The following KAT2B variants were observed in gnomAD, a reference collection of about 807,000 sequenced individuals.
KAT2B encodes lysine acetyltransferase 2B.
Under a neutral mutation model 105.9 loss-of-function variants are expected in KAT2B, and 36 were observed. That is an observed-to-expected ratio of 0.34 (90% CI 0.26 to 0.45). KAT2B has a LOEUF of 0.45. Among genes scored for constraint, KAT2B ranks in the 20% least tolerant of loss-of-function variants. The pLI is 1.00. For missense variants in KAT2B, 820 were observed against 1,021.6 expected (o/e 0.80, Z 2.69); for synonymous variants, 397 against 377.9 (o/e 1.05, Z -0.59).
At chr3:20,067,623 C>G (rs537288165) in intron 1 of KAT2B, among the ~76,000 whole-genome samples, 8 of 152,066 alleles carry the variant, frequency 5.3e-5, no homozygotes, top group South Asian at 4.2e-4. Flanking sequence ...ATAAGCAAGC[C>G]CATAGGAAGA....
chr3:20,046,629 G>A (rs1417400106), intron 1 of KAT2B, among the ~76,000 whole-genome samples: 2 of 152,134 alleles, frequency 1.3e-5, no homozygotes, highest in East Asian at 3.9e-4. Context: ...AGAGAGCAGA[G>A]GTAGATGTGC....
intron 2 of KAT2B, among the ~76,000 whole-genome samples, chr3:20,073,741 A>G (rs1011247935): frequency 6.6e-6 from 1 of 152,236 alleles, no homozygotes; most frequent in South Asian, 2.1e-4. Context: ...AAACAGAACG[A>G]AACAAAACAA....
At chr3:20,073,752 T>C (rs17006525) in intron 2 of KAT2B, among the ~76,000 whole-genome samples, 62,861 of 152,006 alleles carry the variant, frequency 0.41, 13,306 homozygotes, top group South Asian at 0.5. Flanking sequence ...AACAAAACAA[T>C]CACTAACTCT....
At chr3:20,140,833 G>C (rs565266741) in intron 13 of KAT2B, among the ~76,000 whole-genome samples, 1 of 151,676 alleles carries the variant, frequency 6.6e-6, no homozygotes, top group South Asian at 2.1e-4. Context: ...TTCCTTTCTC[G>C]GTTACCATTT....
intron 1 of KAT2B, 57 bp downstream of exon 1, chr3:20,040,837 C>T (rs1697702629): frequency 2.7e-6 from 4 of 1,489,378 alleles, no homozygotes; most frequent in African/African-American, 1.5e-5. Context: ...GCCCGCGGGA[C>T]CCCCCTCCCC....
intron 1 of KAT2B, among the ~76,000 whole-genome samples, chr3:20,058,734 C>A (rs540348297): frequency 6.6e-6 from 1 of 152,244 alleles, no homozygotes; most frequent in East Asian, 1.9e-4. Flanking sequence ...GATTGTCACA[C>A]AGTGGAGGAA....
chr3:20,140,958 C>T (rs1258100986), intron 13 of KAT2B, among the ~76,000 whole-genome samples: 1 of 152,084 alleles, frequency 6.6e-6, no homozygotes, highest in Non-Finnish European at 1.5e-5. Context: ...TGCATTCTGG[C>T]CTCAATTATT....
At chr3:20,112,815 A>T (rs911780928) in intron 6 of KAT2B, among the ~76,000 whole-genome samples, 2 of 152,210 alleles carry the variant, frequency 1.3e-5, no homozygotes, top group Non-Finnish European at 2.9e-5. Context: ...TTATTCAGAT[A>T]GTGTTATTAG....
At chr3:20,065,766 A>G (rs138949460) in intron 1 of KAT2B, among the ~76,000 whole-genome samples, 1 of 152,298 alleles carries the variant, frequency 6.6e-6, no homozygotes, top group East Asian at 1.9e-4. Context: ...TCAATAGGGT[A>G]TAACTTTAAA....
At chr3:20,058,217 G>C (rs1698033949) in intron 1 of KAT2B, among the ~76,000 whole-genome samples, 1 of 151,984 alleles carries the variant, frequency 6.6e-6, no homozygotes, top group South Asian at 2.1e-4. Flanking sequence ...CAGCACTTTG[G>C]GAGGCCACGG....
At position 20,069,377 on chromosome 3, in the gene KAT2B, A is replaced by G. The variant is rs186494854; in HGVS notation, c.304-2956A>G. On this transcript the variant is annotated intron_variant, in intron 1 of 17. Transcript: ENST00000263754. The stretch of plus-strand genomic sequence containing the variant: ...GTTATGTAGATTCCCCTGGTACCCT[A>G]TCTGGGCTGATAAAGGTCAAGAGTT... Among the ~76,000 whole-genome samples the G allele has an allele frequency of 1.1e-3, 168 of 152,264 alleles. 4 individuals carry two copies. The Middle Eastern group carries it at 0.014, about 12-fold the overall frequency.
At chr3:20,070,892 C>T (rs1698310250) in intron 1 of KAT2B, among the ~76,000 whole-genome samples, 1 of 151,236 alleles carries the variant, frequency 6.6e-6, no homozygotes, top group Non-Finnish European at 1.5e-5. Flanking sequence ...GCCAGTAACC[C>T]CAGCTACTCA....
chr3:20,092,818 C>T (rs1698746612), intron 2 of KAT2B, among the ~76,000 whole-genome samples: 1 of 152,094 alleles, frequency 6.6e-6, no homozygotes, highest in Non-Finnish European at 1.5e-5. Context: ...TCTCCTGCCT[C>T]AGCCTCCTGA....
intron 11 of KAT2B, among the ~76,000 whole-genome samples, chr3:20,134,608 C>A (rs1190826081): frequency 2.0e-5 from 3 of 152,094 alleles, no homozygotes; most frequent in African/African-American, 7.2e-5. Context: ...GGGGTTTCAC[C>A]ATGTTGTTCA....
At chr3:20,134,025 C>A (rs1699557358) in intron 11 of KAT2B, among the ~76,000 whole-genome samples, 1 of 151,566 alleles carries the variant, frequency 6.6e-6, no homozygotes, top group Non-Finnish European at 1.5e-5. Context: ...GTTGCAACTA[C>A]ACCCCCCCTC....
At chr3:20,138,717 G>A (rs1287838608) in intron 12 of KAT2B, among the ~76,000 whole-genome samples, 1 of 151,634 alleles carries the variant, frequency 6.6e-6, no homozygotes, top group African/African-American at 2.4e-5. Flanking sequence ...ATTTTCTTTT[G>A]TCCCTTTTTC....
intron 2 of KAT2B, among the ~76,000 whole-genome samples, chr3:20,073,071 G>A (rs750340080): frequency 1.5e-4 from 23 of 152,082 alleles, no homozygotes; most frequent in Admixed American, 1.0e-3. Flanking sequence ...AAAGGCCTGT[G>A]CTAGTATGTT....
intron 1 of KAT2B, among the ~76,000 whole-genome samples, chr3:20,067,404 C>T: frequency 6.6e-6 from 1 of 151,984 alleles, no homozygotes; most frequent in East Asian, 1.9e-4. Flanking sequence ...GTGACTCACC[C>T]ATTTATGAGC....
At chr3:20,078,213 C>G (rs1698454521) in intron 2 of KAT2B, among the ~76,000 whole-genome samples, 1 of 150,906 alleles carries the variant, frequency 6.6e-6, no homozygotes, top group African/African-American at 2.5e-5. Context: ...AATAAAAAGG[C>G]AGCCTGTTTT....
Sources: allele counts gnomAD v4.1 joint callset (sites outside exome capture counted in the v4.1 genomes callset), GRCh38; gene constraint gnomAD v4.1.1; transcripts MANE v1.5; gene names NCBI Gene and HGNC (gene_info 2026-07-23, HGNC 2026-07-21).